The following PCDHGA1 variants were observed in gnomAD, a reference collection of about 807,000 sequenced individuals.
The protein encoded by PCDHGA1 is protocadherin gamma subfamily A, 1.
PCDHGA1 carries 32 observed loss-of-function variants against 58.0 expected under a neutral mutation model. That is an observed-to-expected ratio of 0.55 (90% confidence interval 0.42 to 0.74). The LOEUF is 0.74. Among genes scored for constraint, PCDHGA1 ranks in the 30% least tolerant of loss-of-function variants. PCDHGA1 has a pLI of 0.00. For synonymous variants in PCDHGA1, 498 were observed against 501.1 expected (o/e 0.99, Z 0.08); for missense variants, 1,205 against 1,182.3 (o/e 1.02, Z -0.28).
At chr5:141,360,569 C>A in intron 1 of PCDHGA1, 1 of 1,613,934 alleles carries the variant, frequency 6.2e-7, no homozygotes. Flanking sequence ...ATTGGCGAAT[C>A]CACTAAGCCA....
Position 141,375,827 on chromosome 5 carries a change from G to T in PCDHGA1, c.2421+42722G>T, listed in dbSNP as rs779058063. On this transcript the variant is annotated intron_variant, in intron 1 of 3. Transcript: ENST00000517417. ...TGGCGTGGAGCTGGCGCCCCGCTCC[G>T]CAGAGCCCGGCTACCTGGTGACCAA... The T allele has an allele frequency of 4.3e-6, 7 of 1,614,136 alleles. No individual in the cohort carries two copies. The highest frequency in any genetic ancestry group is 2.7e-5 in the African/African-American group (2 of 75,070).
rs749086929 is a variant in PCDHGA1, at chr5:141,485,998, T to A, written c.2422-8809T>A. ...CAGACCCGGACCTGGGTCCCAGTGG[T>A]AACGTCACCTTTTATTTCAGTGGTC... On this transcript the variant is annotated intron_variant, in intron 1 of 3. Transcript: ENST00000517417. The surrounding 1 kb of genome is among the most constrained non-coding windows in gnomAD (Gnocchi z 5.7). 2.4e-5 allele frequency: 38 copies of A among 1,614,068 alleles called. No individual in the cohort carries two copies. Among genetic ancestry groups the A allele is most frequent in the Non-Finnish European group, 3.1e-5 (37 of 1,180,046 alleles).
chr5:141,390,103 A>G (rs757288667), intron 1 of PCDHGA1: 2 of 1,613,996 alleles, frequency 1.2e-6, no homozygotes, highest in South Asian at 1.1e-5. Flanking sequence ...GTTCCCCCCA[A>G]CTACAGCGAG....
intron 1 of PCDHGA1, chr5:141,360,453 C>T (rs1467888635): frequency 4.3e-6 from 7 of 1,613,864 alleles, no homozygotes; most frequent in Non-Finnish European, 5.9e-6. Context: ...TTCTGGATTT[C>T]GATACTGTCG....
intron 1 of PCDHGA1, among the ~76,000 whole-genome samples, chr5:141,387,190 T>C (rs2090856336): frequency 1.3e-5 from 2 of 152,124 alleles, no homozygotes; most frequent in African/African-American, 2.4e-5. Context: ...AAAAGGCAAT[T>C]TTGGTATTAC....
chr5:141,347,137 C>CTCTTTCTTTCTTTCTTTCTGTCTTTCTT (rs1757892625), intron 1 of PCDHGA1, among the ~76,000 whole-genome samples: 4 of 113,744 alleles, frequency 3.5e-5, no homozygotes, highest in African/African-American at 1.2e-4. Flanking sequence ...CTCTGTTTCT[C>CTCTTTCTTTCTTTCTTTCTGTCTTTCTT]TCTTTCTTTC....
Position 141,418,795 on chromosome 5 carries a change from A to G in PCDHGA1, c.2422-76012A>G, listed in dbSNP as rs373690093. The G allele has an allele frequency of 6.8e-6, 11 of 1,613,740 alleles. No homozygotes were observed. The African/African-American group carries it at 1.5e-4, about 22-fold the overall frequency. On this transcript the variant is annotated intron_variant, in intron 1 of 3. Transcript: ENST00000517417. Reference sequence around the variant, plus strand: ...AGCAGCCTTTGGATTTTGAAGAAGTAGAAAGATATACGATAAACATAGAAG... The same window carrying G: ...AGCAGCCTTTGGATTTTGAAGAAGTGGAAAGATATACGATAAACATAGAAG...
At chr5:141,453,807 A>G (rs752553367) in intron 1 of PCDHGA1, among the ~76,000 whole-genome samples, 3 of 152,250 alleles carry the variant, frequency 2.0e-5, no homozygotes, top group Non-Finnish European at 4.4e-5. Flanking sequence ...GAGTAGTTCC[A>G]TAAAGGACAA....
intron 1 of PCDHGA1, chr5:141,362,297 C>T: frequency 1.2e-6 from 2 of 1,614,082 alleles, no homozygotes; most frequent in African/African-American, 1.3e-5. Flanking sequence ...TCTTCCAGGT[C>T]AGATGCTTGG....
At position 141,491,752 on chromosome 5, in the gene PCDHGA1, G is replaced by C. The variant is rs1464731659; in HGVS notation, c.2422-3055G>C. 6 of 1,586,646 alleles carry C rather than the reference G, an allele frequency of 3.8e-6. No homozygotes were observed. The African/African-American group carries it at 8.1e-5, about 21-fold the overall frequency. On this transcript the variant is annotated intron_variant, in intron 1 of 3. Transcript: ENST00000517417. The surrounding 1 kb of genome is among the most constrained non-coding windows in gnomAD (Gnocchi z 6.9). ...GACCCCTGGGGGCGGCACTGGAGAA[G>C]CCGCCCGTCCTCATAAGGGATTGAA...
At chr5:141,464,264 A>G (rs1357786078) in intron 1 of PCDHGA1, among the ~76,000 whole-genome samples, 2 of 130,598 alleles carry the variant, frequency 1.5e-5, no homozygotes, top group East Asian at 4.2e-4. Flanking sequence ...GACTCCGTCT[A>G]AAAAAAAAAA....
At chr5:141,497,050 G>T (rs113054804) in intron 2 of PCDHGA1, among the ~76,000 whole-genome samples, 5,544 of 152,084 alleles carry the variant, frequency 0.036, 137 homozygotes, top group South Asian at 0.074. Context: ...TTAGCCAGGC[G>T]TGGTGGCAGG....
chr5:141,423,184 C>G (rs747938944), intron 1 of PCDHGA1: 3 of 1,613,560 alleles, frequency 1.9e-6, no homozygotes, highest in Non-Finnish European at 2.5e-6. Context: ...CCACGGCCAG[C>G]CCCCTCTCTC....
chr5:141,428,121 G>A (rs764584436), intron 1 of PCDHGA1: 2 of 1,605,742 alleles, frequency 1.2e-6, no homozygotes, highest in Admixed American at 1.7e-5. Flanking sequence ...CATCGAGCCC[G>A]GGCTTTTCAG....
intron 1 of PCDHGA1, chr5:141,360,682 A>G: frequency 1.2e-6 from 2 of 1,614,012 alleles, no homozygotes; most frequent in Non-Finnish European, 1.7e-6. Context: ...TCTCGCTGAG[A>G]AACAGACTCC....
chr5:141,453,201 C>T (rs115660512), intron 1 of PCDHGA1, among the ~76,000 whole-genome samples: 2,052 of 152,204 alleles, frequency 0.013, 46 homozygotes, highest in African/African-American at 0.048. Flanking sequence ...GCAGCCTCAA[C>T]CTCGTGCACT....
chr5:141,337,558 G>C (rs1042509930), intron 1 of PCDHGA1, among the ~76,000 whole-genome samples: 6 of 152,222 alleles, frequency 3.9e-5, no homozygotes, highest in Middle Eastern at 6.3e-3. Flanking sequence ...CATATATGAA[G>C]TTCCTAGATT....
At chr5:141,387,920 G>A in intron 1 of PCDHGA1, 12 of 1,481,924 alleles carry the variant, frequency 8.1e-6, no homozygotes, top group Non-Finnish European at 1.1e-5. Context: ...GCCGGGCTGA[G>A]AGGCTGCCAG....
chr5:141,509,081 A>T (rs1279221589), intron 3 of PCDHGA1, among the ~76,000 whole-genome samples: 1 of 152,160 alleles, frequency 6.6e-6, no homozygotes, highest in Non-Finnish European at 1.5e-5. Context: ...GATTTGCGAC[A>T]TGAAATGGGG....
Sources: allele counts gnomAD v4.1 joint callset (sites outside exome capture counted in the v4.1 genomes callset), GRCh38; gene constraint gnomAD v4.1.1; non-coding constraint Gnocchi (gnomAD v3.1); transcripts MANE v1.5; gene names NCBI Gene and HGNC (gene_info 2026-07-23, HGNC 2026-07-21).